The following RAD54L2 variants were observed in gnomAD, a reference collection of about 807,000 sequenced individuals.
RAD54L2 encodes helicase ARIP4.
In RAD54L2, 27 loss-of-function variants were observed where a neutral mutation model predicts 138.4. That is an observed-to-expected ratio of 0.20 (90% confidence interval 0.14 to 0.27). RAD54L2 has a LOEUF of 0.27. RAD54L2 is among the 10% of genes least tolerant of loss of function. The pLI is 1.00. For missense variants in RAD54L2, 1,396 were observed against 1,890.2 expected, an observed-to-expected ratio of 0.74 and a Z score of 4.85; for synonymous variants, 644 against 723.2, an observed-to-expected ratio of 0.89 and a Z score of 1.76.
At chr3:51,660,480 T>G (rs1335894698) in intron 22 of RAD54L2, among the ~76,000 whole-genome samples, 3 of 151,750 alleles carry the variant, frequency 2.0e-5, no homozygotes, top group Admixed American at 2.0e-4. Flanking sequence ...GGCTAATTTT[T>G]TTTTGTATTT....
intron 2 of RAD54L2, among the ~76,000 whole-genome samples, chr3:51,558,274 T>C (rs192320427): frequency 6.6e-6 from 1 of 152,220 alleles, no homozygotes. Context: ...CCTGCCCTTA[T>C]CTGTCAGTTG....
intron 2 of RAD54L2, among the ~76,000 whole-genome samples, chr3:51,587,425 T>G (rs1699733769): frequency 1.3e-5 from 2 of 152,192 alleles, no homozygotes; most frequent in Admixed American, 1.3e-4. Flanking sequence ...TGCAGAGATT[T>G]AAAATCTGCC....
At chr3:51,548,571 C>T (rs1221307107) in intron 2 of RAD54L2, among the ~76,000 whole-genome samples, 1 of 152,090 alleles carries the variant, frequency 6.6e-6, no homozygotes, top group Non-Finnish European at 1.5e-5. Context: ...GGAAGCAAAC[C>T]CGAAAAGGTG....
chr3:51,587,736 T>A (rs1577405644), intron 2 of RAD54L2, among the ~76,000 whole-genome samples: 2 of 152,282 alleles, frequency 1.3e-5, no homozygotes, highest in East Asian at 3.9e-4. Flanking sequence ...TTCTTTTCTG[T>A]TCAGGAGAAG....
chr3:51,547,884 T>C (rs114753475), intron 2 of RAD54L2, among the ~76,000 whole-genome samples: 257 of 151,886 alleles, frequency 1.7e-3, no homozygotes, highest in African/African-American at 5.7e-3. Flanking sequence ...TAAAATACTT[T>C]CTTTCTTTCT....
intron 15 of RAD54L2, among the ~76,000 whole-genome samples, 165 bp from the exon 16 acceptor site, chr3:51,643,710 T>C (rs1166834967): frequency 6.6e-6 from 1 of 152,236 alleles, no homozygotes; most frequent in Non-Finnish European, 1.5e-5. Flanking sequence ...AAATTATAGA[T>C]GCCTGGGCCT....
chr3:51,642,652 C>G (rs1387588874), intron 15 of RAD54L2, among the ~76,000 whole-genome samples: 1 of 152,042 alleles, frequency 6.6e-6, no homozygotes, highest in Middle Eastern at 3.2e-3. Context: ...GTTTTGACAA[C>G]CAAAAATATC....
intron 3 of RAD54L2, among the ~76,000 whole-genome samples, chr3:51,612,365 G>A (rs1241097367): frequency 6.6e-6 from 1 of 152,208 alleles, no homozygotes; most frequent in African/African-American, 2.4e-5. Context: ...GGGAAGCTGA[G>A]GCAGGAGAAT....
intron 4 of RAD54L2, 31 bp from the exon 5 acceptor site, chr3:51,629,303 C>T: frequency 6.4e-7 from 1 of 1,564,666 alleles, no homozygotes; most frequent in South Asian, 1.2e-5. Context: ...CTTAATTGAA[C>T]CCAAGTGCTG....
intron 3 of RAD54L2, among the ~76,000 whole-genome samples, chr3:51,595,340 G>C (rs1699938121): frequency 6.6e-6 from 1 of 152,170 alleles, no homozygotes; most frequent in South Asian, 2.1e-4. Context: ...TCACACAAGA[G>C]GAGTAAATGG....
chr3:51,652,854 A>G (rs1577464096), intron 19 of RAD54L2, among the ~76,000 whole-genome samples: 2 of 152,384 alleles, frequency 1.3e-5, no homozygotes, highest in East Asian at 3.8e-4. Flanking sequence ...AATACCATTC[A>G]GGACATAGGC....
chr3:51,645,463 G>C lies in RAD54L2; in HGVS notation c.2657-128G>C. The C allele has an allele frequency of 1.9e-6, 2 of 1,062,058 alleles. No individual in the cohort carries two copies. The highest frequency in any genetic ancestry group is 2.7e-6 in the Non-Finnish European group (2 of 744,892). The allele number at this position is 1,062,058 out of a possible 1,614,324, so 65.8% of individuals were successfully genotyped here. A position where few individuals can be genotyped will look rare whatever the true frequency, so the allele number is the denominator to read the frequency against. ...TATACAAGTTTTCCCCTTATATGAT[G>C]TTTCCAGTGTCACCAGCACCTCAGA... is the stretch of plus-strand genomic sequence containing the variant. On this transcript the variant is annotated intron_variant, in intron 17 of 22. Coordinates refer to ENST00000684192, the MANE Select transcript of RAD54L2 (RefSeq NM_015106.4). This position sits in a 1 kb window ranked among gnomAD's most constrained non-coding sequence, Gnocchi z 6.1.
At chr3:51,557,813 A>G (rs1169667258) in intron 2 of RAD54L2, among the ~76,000 whole-genome samples, 1 of 145,756 alleles carries the variant, frequency 6.9e-6, no homozygotes, top group Non-Finnish European at 1.5e-5. Context: ...CTGGGTAACA[A>G]GAGGGAAACT....
At position 51,592,054 on chromosome 3, in the gene RAD54L2, G is replaced by GTTTTT. The variant is rs71084151; in HGVS notation, c.139+1520_139+1524dup. ...TGTAGCTGTGCAATTTGGTTTTGGT[G>GTTTTT]TTTTTTTTTTTTTTTTTTTTTTTTT... On this transcript the variant is annotated intron_variant, in intron 3 of 22. Transcript: ENST00000684192. Among the ~76,000 whole-genome samples, 169 of 66,874 alleles carry GTTTTT rather than the reference G, an allele frequency of 2.5e-3. 25 individuals are homozygous for GTTTTT. In the East Asian group the frequency reaches 0.036, roughly 14 times the overall value. 43.9% of individuals were successfully genotyped at this position (66,874 alleles called of 152,430 possible).
At chr3:51,607,934 C>A (rs1187346431) in intron 3 of RAD54L2, among the ~76,000 whole-genome samples, 2 of 139,164 alleles carry the variant, frequency 1.4e-5, no homozygotes, top group Non-Finnish European at 3.0e-5. Flanking sequence ...GGGGGCTGCC[C>A]CCCTCCTCCC....
intron 1 of RAD54L2, chr3:51,541,034 C>G (rs979351254): frequency 5.2e-5 from 5 of 95,714 alleles, no homozygotes; most frequent in Non-Finnish European, 7.8e-5. Flanking sequence ...AAGCGAGACT[C>G]TGACTCAAAA....
chr3:51,657,791 A>T, intron 21 of RAD54L2, 122 bp downstream of exon 21: 1 of 690,408 alleles, frequency 1.4e-6, no homozygotes, highest in Non-Finnish European at 2.5e-6. Flanking sequence ...AGGATGTCAC[A>T]TTCCGGAACT....
At chr3:51,649,841 G>A (rs138744612) in intron 19 of RAD54L2, among the ~76,000 whole-genome samples, 28 of 152,282 alleles carry the variant, frequency 1.8e-4, no homozygotes, top group Non-Finnish European at 7.3e-5. Flanking sequence ...ATGCCAAATT[G>A]TAAAGACCAT....
intron 9 of RAD54L2, 66 bp downstream of exon 9, chr3:51,634,101 A>G: frequency 6.4e-7 from 1 of 1,556,032 alleles, no homozygotes; most frequent in Non-Finnish European, 8.8e-7. Flanking sequence ...TCTGATGTTA[A>G]GGCAGTCTCT....
Sources: allele counts gnomAD v4.1 joint callset (sites outside exome capture counted in the v4.1 genomes callset), GRCh38; gene constraint gnomAD v4.1.1; non-coding constraint Gnocchi (gnomAD v3.1); transcripts MANE v1.5; gene names NCBI Gene and HGNC (gene_info 2026-07-23, HGNC 2026-07-21).